TMEM71: variants seen among roughly 807,000 people sequenced by gnomAD.
TMEM71 encodes transmembrane protein 71.
In TMEM71, 44 loss-of-function variants were observed where a neutral mutation model predicts 38.0. The observed-to-expected ratio is 1.16, with a 90% CI of 0.91 to 1.49. The LOEUF is 1.49. Ranked by LOEUF, TMEM71 falls within the 40% of genes most tolerant of loss-of-function variation. TMEM71 has a pLI of 0.00. For synonymous variants in TMEM71, 133 were observed against 122.5 expected, an observed-to-expected ratio of 1.09 and a Z score of -0.56; for missense variants, 367 against 348.6, an observed-to-expected ratio of 1.05 and a Z score of -0.42.
chr8:132,737,111 T>G (rs1586795631), intron 5 of TMEM71, among the ~76,000 whole-genome samples: 1 of 151,718 alleles, frequency 6.6e-6, no homozygotes, highest in South Asian at 2.1e-4. Context: ...GAAGGAGGAG[T>G]GACTGCGAGT....
At chr8:132,713,866 G>A (rs1167807033) in intron 9 of TMEM71, 129 bp downstream of exon 9, 11 of 822,810 alleles carry the variant, frequency 1.3e-5, no homozygotes, top group Non-Finnish European at 2.2e-5. Flanking sequence ...GTAACAGAAA[G>A]TAGTCTTCAG....
intron 9 of TMEM71, among the ~76,000 whole-genome samples, chr8:132,711,480 TC>T (rs1826234029): frequency 6.6e-6 from 1 of 152,170 alleles, no homozygotes; most frequent in South Asian, 2.1e-4. Flanking sequence ...ATATTTTTAT[TC>T]CCTAAAGTTT....
At chr8:132,721,950 T>C in intron 7 of TMEM71, 90 bp downstream of exon 7, 1 of 1,133,432 alleles carries the variant, frequency 8.8e-7, no homozygotes. Flanking sequence ...CTACCTAAAA[T>C]GTTTTGTGGA....
chr8:132,761,498 C>T (rs1050107317), upstream of TMEM71, among the ~76,000 whole-genome samples: 13 of 152,192 alleles, frequency 8.5e-5, no homozygotes, highest in Admixed American at 2.6e-4. Context: ...GTCCGGCTGG[C>T]GGAAAAGTTA....
chr8:132,723,037 T>G (rs1207570711), intron 6 of TMEM71, among the ~76,000 whole-genome samples: 53 of 152,216 alleles, frequency 3.5e-4, no homozygotes, highest in Non-Finnish European at 1.3e-4. Flanking sequence ...TGGAATGACT[T>G]TATGTTATGA....
the TMEM71 span, among the ~76,000 whole-genome samples, chr8:132,769,614 TG>T: frequency 4.0e-4 from 61 of 152,284 alleles, no homozygotes; most frequent in Middle Eastern, 3.4e-3. Flanking sequence ...CCTTCATGAA[TG>T]AGATTAGTCC....
the TMEM71 span, among the ~76,000 whole-genome samples, chr8:132,766,006 T>C: frequency 1.3e-5 from 2 of 151,920 alleles, no homozygotes; most frequent in South Asian, 2.1e-4. Flanking sequence ...CTTGTCTTCA[T>C]CTCCTGACCT....
intron 7 of TMEM71, among the ~76,000 whole-genome samples, chr8:132,721,507 G>A (rs1826843181): frequency 6.6e-6 from 1 of 150,640 alleles, no homozygotes; most frequent in African/African-American, 2.4e-5. Context: ...CGTACACTGG[G>A]TTTTGTATGC....
chr8:132,729,155 TC>T (rs1827315327), intron 5 of TMEM71, among the ~76,000 whole-genome samples: 1 of 152,240 alleles, frequency 6.6e-6, no homozygotes, highest in Non-Finnish European at 1.5e-5. Context: ...ACACTTGGTG[TC>T]TTCAATGTGA....
intron 2 of TMEM71, 166 bp downstream of exon 2, chr8:132,758,674 A>T: frequency 1.7e-6 from 1 of 601,580 alleles, no homozygotes; most frequent in Non-Finnish European, 3.0e-6. Flanking sequence ...TCAAGGAAAA[A>T]AATGAAGTTA....
intron 5 of TMEM71, among the ~76,000 whole-genome samples, chr8:132,740,910 A>G (rs1305121374): frequency 6.6e-6 from 1 of 152,218 alleles, no homozygotes; most frequent in Non-Finnish European, 1.5e-5. Flanking sequence ...TTGGAGAAGT[A>G]GGAAATATTC....
intron 5 of TMEM71, among the ~76,000 whole-genome samples, chr8:132,730,188 C>G (rs1411048605): frequency 6.6e-6 from 1 of 152,114 alleles, no homozygotes; most frequent in Non-Finnish European, 1.5e-5. Flanking sequence ...GAACTCCCGA[C>G]CTCAGATGAT....
At chr8:132,754,951 C>T (rs1286579111) in intron 3 of TMEM71, among the ~76,000 whole-genome samples, 9 of 152,092 alleles carry the variant, frequency 5.9e-5, no homozygotes, top group African/African-American at 9.7e-5. Flanking sequence ...AATGGAGGCT[C>T]CAGTAGGTTA....
intron 6 of TMEM71, among the ~76,000 whole-genome samples, chr8:132,727,180 T>A: frequency 6.6e-6 from 1 of 152,004 alleles, no homozygotes. Context: ...AATACACAGC[T>A]AAGAATTAAA....
rs1214113073 is a variant in TMEM71, at chr8:132,746,398, T to TACAC, written c.487+543_487+544insGTGT. 1.3e-3 allele frequency among the ~76,000 whole-genome samples: 26 copies of TACAC among 19,660 alleles called. 1 individual carries two copies. The highest frequency in any genetic ancestry group is 5.7e-3 in the South Asian group (2 of 348). The allele number at this position is 19,660 out of a possible 152,430, so 12.9% of individuals were successfully genotyped here. On this transcript the variant is annotated intron_variant, in intron 5 of 9. Coordinates refer to ENST00000677595, the MANE Select transcript of TMEM71 (RefSeq NM_001382403.1). ...ATACATATATATATACATATATATA[T>TACAC]ACATATATATATACACACACATATA... is the stretch of plus-strand genomic sequence containing the variant.
intron 4 of TMEM71, among the ~76,000 whole-genome samples, chr8:132,749,902 T>C (rs1828600549): frequency 6.6e-6 from 1 of 151,426 alleles, no homozygotes; most frequent in African/African-American, 2.4e-5. Context: ...TAATCCCAGC[T>C]ACTTGGGAGG....
intron 5 of TMEM71, 88 bp from the exon 6 acceptor site, chr8:132,728,074 A>G: frequency 9.9e-7 from 1 of 1,005,154 alleles, no homozygotes; most frequent in Non-Finnish European, 1.5e-6. Flanking sequence ...ATGCACAGTT[A>G]GTTCCTAATA....
chr8:132,770,326 C>T, the TMEM71 span, among the ~76,000 whole-genome samples: 459 of 152,280 alleles, frequency 3.0e-3, 4 homozygotes, highest in African/African-American at 0.01. Flanking sequence ...AGTAACAGCA[C>T]TCGAATTTTG....
intron 5 of TMEM71, among the ~76,000 whole-genome samples, chr8:132,729,236 A>G (rs1827319974): frequency 1.3e-5 from 2 of 152,250 alleles, no homozygotes; most frequent in South Asian, 4.1e-4. Flanking sequence ...CCAAAACTCT[A>G]TAAGCCAAAG....
Sources: gnomAD v4.1 joint callset for allele counts (sites outside exome capture counted in the v4.1 genomes callset) on GRCh38, gnomAD v4.1.1 for gene constraint, MANE v1.5 for transcripts, NCBI Gene and HGNC (gene_info 2026-07-23, HGNC 2026-07-21) for gene names.